Variants in MEG3 observed in about 807,000 individuals in gnomAD.
MEG3 encodes the protein Very putative protein from MEG3 locus.
At position 100,837,092 on chromosome 14, in the gene MEG3, G is replaced by T. The variant is rs1045475415; in HGVS notation, n.3045+792G>T. The stretch of plus-strand genomic sequence containing the variant: ...TGGGCTTTGCACTAAGGACCAGAGG[G>T]TCTACTTGGGTGCCGTGGAGCACCC... On this transcript the variant is annotated intron_variant and non_coding_transcript_variant, in intron 2 of 3. Transcript: ENST00000398461. This position sits in a 1 kb window ranked among gnomAD's most constrained non-coding sequence, Gnocchi z 5.8. Among the ~76,000 whole-genome samples the T allele has an allele frequency of 6.6e-6, 1 of 152,190 alleles. No individual in the cohort carries two copies. The highest frequency in any genetic ancestry group is 1.9e-4 in the East Asian group (1 of 5,184).
downstream of MEG3, chr14:100,833,028 G>A (rs947108078): frequency 1.2e-4 from 19 of 152,210 alleles, no homozygotes; most frequent in African/African-American, 4.1e-4. Context: ...ACTAACTCCT[G>A]GGCATAGCCC....
At chr14:100,842,574 G>A (rs2139974665) in intron 2 of MEG3, among the ~76,000 whole-genome samples, 1 of 152,308 alleles carries the variant, frequency 6.6e-6, no homozygotes, top group South Asian at 2.1e-4. Flanking sequence ...TACTCAACAG[G>A]TAGGAAGTAC....
intron 2 of MEG3, among the ~76,000 whole-genome samples, chr14:100,842,619 A>C (rs574078792): frequency 6.6e-6 from 1 of 152,306 alleles, no homozygotes; most frequent in Non-Finnish European, 1.5e-5. Flanking sequence ...TTGTGTAACG[A>C]CGGGCTCTAT....
At chr14:100,851,090 A>T (rs2038058763) in intron 3 of MEG3, 1 of 152,346 alleles carries the variant, frequency 6.6e-6, no homozygotes, top group Non-Finnish European at 1.5e-5. Context: ...ATTTCACTGC[A>T]TCTGTCTCTT....
At chr14:100,830,383 ACC>A (rs3222370), downstream of MEG3, 17,523 of 141,252 alleles carry the variant, frequency 0.12, 1,366 homozygotes, top group East Asian at 0.34. Context: ...ACACACACAC[ACC>A]CCCTCGTGTA....
chr14:100,860,068 C>T (rs1036832767), exon 1 of MEG3: 1 of 153,954 alleles, frequency 6.5e-6, no homozygotes, highest in Non-Finnish European at 1.4e-5. Flanking sequence ...TCCTGGTGGG[C>T]CCGGACCGCT....
At chr14:100,834,874 C>T in exon 1 of MEG3, 2 of 450,080 alleles carry the variant, frequency 4.4e-6, no homozygotes, top group South Asian at 1.6e-5. Flanking sequence ...AGCTTCCGAC[C>T]CCTGCCCCAT....
intron 1 of MEG3, among the ~76,000 whole-genome samples, chr14:100,828,224 G>T (rs538811857): frequency 2.6e-5 from 4 of 152,136 alleles, no homozygotes; most frequent in Non-Finnish European, 5.9e-5. Flanking sequence ...TTACGGGTGC[G>T]GGCCGCGCGC....
At chr14:100,849,019 C>T (rs781183396) in intron 3 of MEG3, 5 of 151,894 alleles carry the variant, frequency 3.3e-5, no homozygotes, top group African/African-American at 1.2e-4. Context: ...TTCAGCCGAA[C>T]GAATGAGAAT....
chr14:100,852,586 C>A, upstream of MEG3: 1 of 361,306 alleles, frequency 2.8e-6, no homozygotes, highest in Non-Finnish European at 5.6e-6. Flanking sequence ...AAGCTTCTCC[C>A]TGACAAGCTG....
intron 1 of MEG3, among the ~76,000 whole-genome samples, chr14:100,828,054 T>A (rs1031839122): frequency 2.8e-4 from 42 of 152,058 alleles, no homozygotes; most frequent in African/African-American, 1.0e-3. Flanking sequence ...CTCTGGCTGG[T>A]GGTGGCTGGA....
At chr14:100,852,678 G>C, upstream of MEG3, 2 of 264,078 alleles carry the variant, frequency 7.6e-6, no homozygotes, top group Non-Finnish European at 1.5e-5. Context: ...ACTCATGTAC[G>C]GCTGTTAAAA....
exon 1 of MEG3, chr14:100,834,749 C>T (rs1411417452): frequency 4.4e-6 from 2 of 456,496 alleles, no homozygotes; most frequent in African/African-American, 2.0e-5. Context: ...TTGGTTTCGC[C>T]AGGTGAGTGA....
chr14:100,846,715 C>T (rs141601740), intron 3 of MEG3: 16 of 152,276 alleles, frequency 1.1e-4, no homozygotes, highest in African/African-American at 3.9e-4. Context: ...CATGGTTCAT[C>T]CGCTTTGATG....
chr14:100,830,911 G>A (rs1379814297), downstream of MEG3: 1 of 152,670 alleles, frequency 6.6e-6, no homozygotes, highest in Non-Finnish European at 1.5e-5. Flanking sequence ...AATGAAGTGG[G>A]CGGAGACCTG....
At chr14:100,834,771 C>T (rs2037508732) in exon 1 of MEG3, 1 of 456,626 alleles carries the variant, frequency 2.2e-6, no homozygotes, top group Non-Finnish European at 4.4e-6. Context: ...TGAAAGGACT[C>T]GACCACCACA....
At chr14:100,850,354 G>C (rs1279951717) in intron 3 of MEG3, 1 of 152,230 alleles carries the variant, frequency 6.6e-6, no homozygotes, top group African/African-American at 2.4e-5. Flanking sequence ...GGGAGGCCGA[G>C]GTGGGCGGAT....
chr14:100,833,853 A>G (rs1044345835), downstream of MEG3: 3 of 152,194 alleles, frequency 2.0e-5, no homozygotes, highest in African/African-American at 7.2e-5. Context: ...GAGCAAGAAA[A>G]TGTTATTAGT....
chr14:100,860,699 G>A (rs1315906436), intron 1 of MEG3: 1 of 456,684 alleles, frequency 2.2e-6, no homozygotes, highest in East Asian at 7.0e-5. Flanking sequence ...AGCCTCCACA[G>A]CCACGGGGAC....
Sources: allele counts gnomAD v4.1 joint callset (sites outside exome capture counted in the v4.1 genomes callset), GRCh38; gene constraint gnomAD v4.1.1; non-coding constraint Gnocchi (gnomAD v3.1); transcripts MANE v1.5; gene names NCBI Gene and HGNC (gene_info 2026-07-23, HGNC 2026-07-21).